The following VWA3B variants were observed in gnomAD, a reference collection of about 807,000 sequenced individuals.
VWA3B encodes the protein von Willebrand factor A domain containing 3B.
A neutral mutation model predicts 158.3 loss-of-function variants in VWA3B; 138 were observed. The observed-to-expected ratio is 0.87, with a 90% CI of 0.76 to 1.00. VWA3B has a LOEUF of 1.00. Ranked by LOEUF, VWA3B falls within the 50% of genes least tolerant of loss-of-function variation. The pLI is 0.00. For missense variants in VWA3B, 1,555 were observed against 1,565.1 expected, an observed-to-expected ratio of 0.99 and a Z score of 0.11; for synonymous variants, 596 against 587.3, an observed-to-expected ratio of 1.01 and a Z score of -0.21.
chr2:98,107,648 CTAATT>C (rs1673777931), intron 2 of VWA3B, among the ~76,000 whole-genome samples: 1 of 152,050 alleles, frequency 6.6e-6, no homozygotes, highest in Non-Finnish European at 1.5e-5. Flanking sequence ...TCCAAGTTGT[CTAATT>C]TGTGAGGAGT....
intron 7 of VWA3B, 86 bp downstream of exon 7, chr2:98,134,025 A>G: frequency 9.3e-7 from 1 of 1,079,982 alleles, no homozygotes; most frequent in South Asian, 1.3e-5. Context: ...AGTACGAGGG[A>G]GAGACTCCCC....
intron 21 of VWA3B, among the ~76,000 whole-genome samples, chr2:98,267,837 A>G (rs1232556965): frequency 6.6e-6 from 1 of 152,182 alleles, no homozygotes; most frequent in Non-Finnish European, 1.5e-5. Context: ...AATAGATGCA[A>G]TAAAAAATGG....
chr2:98,255,044 C>T (rs28446953), intron 20 of VWA3B, among the ~76,000 whole-genome samples: 6,304 of 151,652 alleles, frequency 0.042, 417 homozygotes, highest in African/African-American at 0.14. Flanking sequence ...GATGGAGTCT[C>T]GCTCTGTCAC....
downstream of VWA3B, among the ~76,000 whole-genome samples, chr2:98,316,678 A>G (rs984754194): frequency 2.6e-5 from 4 of 151,664 alleles, no homozygotes; most frequent in South Asian, 2.1e-4. Context: ...GTAATCCCCA[A>G]TGTTTGAGGA....
intron 3 of VWA3B, among the ~76,000 whole-genome samples, chr2:98,118,413 A>G (rs1341849101): frequency 2.6e-5 from 4 of 152,160 alleles, no homozygotes. Flanking sequence ...CTGAAAGCAC[A>G]TTTTCCAAGA....
In VWA3B at chr2:98,234,723, GC is replaced by G. The variant is rs927003055; in HGVS notation, c.2386del (p.Leu796SerfsTer11). 7 of 1,614,014 alleles carry G rather than the reference GC, an allele frequency of 4.3e-6. No homozygotes were observed. In the African/African-American group the frequency reaches 9.3e-5, roughly 22 times the overall value. ...RSSACSERKDGLSNASSRRTA... is the reference protein window; with the variant it reads ...RSSACSERKDXLSNASSRRTA... ...TCAGCTTGCAGTGAAAGGAAGGATG[GC>G]CTCTCCAATGCCAGCAGCCGGAGGA... On this transcript the variant is annotated frameshift_variant, in exon 17 of 28. Transcript: ENST00000477737. LOFTEE classifies it high-confidence loss of function.
At chr2:98,103,864 G>A (rs1423027411) in intron 2 of VWA3B, among the ~76,000 whole-genome samples, 1 of 152,114 alleles carries the variant, frequency 6.6e-6, no homozygotes, top group East Asian at 1.9e-4. Flanking sequence ...CCTTAGTTCT[G>A]TAAGTTTTGT....
At chr2:98,155,622 AAATTT>A (rs1168307224) in intron 7 of VWA3B, among the ~76,000 whole-genome samples, 1 of 152,222 alleles carries the variant, frequency 6.6e-6, no homozygotes, top group Non-Finnish European at 1.5e-5. Context: ...GATACCTGGT[AAATTT>A]TCATTTCCCC....
chr2:98,191,529 A>G (rs182190963), intron 10 of VWA3B, among the ~76,000 whole-genome samples: 107 of 152,334 alleles, frequency 7.0e-4, no homozygotes, highest in African/African-American at 2.4e-3. Context: ...TTATGTTAGA[A>G]TAGATCTAGG....
chr2:98,201,840 A>C (rs1682568239), intron 12 of VWA3B, among the ~76,000 whole-genome samples: 1 of 152,176 alleles, frequency 6.6e-6, no homozygotes, highest in Non-Finnish European at 1.5e-5. Context: ...TTGAATATTA[A>C]ATTGGCTTTG....
At chr2:98,166,404 T>C (rs1209104467) in intron 8 of VWA3B, among the ~76,000 whole-genome samples, 1 of 152,088 alleles carries the variant, frequency 6.6e-6, no homozygotes, top group Admixed American at 6.6e-5. Context: ...AGGAGGGCCC[T>C]AATCTGATAG....
At chr2:98,317,087 C>T (rs138490461), downstream of VWA3B, among the ~76,000 whole-genome samples, 457 of 152,116 alleles carry the variant, frequency 3.0e-3, 1 homozygote, top group Middle Eastern at 0.024. Flanking sequence ...TGGACTGTAC[C>T]TAGAATAAAC....
intron 20 of VWA3B, among the ~76,000 whole-genome samples, chr2:98,255,742 AT>A (rs1254086644): frequency 6.6e-6 from 1 of 152,134 alleles, no homozygotes; most frequent in East Asian, 1.9e-4. Context: ...TGATCTGAGA[AT>A]CCAGGCAGAA....
chr2:98,288,718 C>T (rs1031912812), intron 22 of VWA3B, among the ~76,000 whole-genome samples: 5 of 152,174 alleles, frequency 3.3e-5, no homozygotes, highest in African/African-American at 1.2e-4. Context: ...CCCTCTTTGT[C>T]TCCCAATCCT....
intron 25 of VWA3B, among the ~76,000 whole-genome samples, chr2:98,301,905 T>C (rs1690219444): frequency 6.6e-6 from 1 of 152,238 alleles, no homozygotes; most frequent in Non-Finnish European, 1.5e-5. Flanking sequence ...TCTATGTTTA[T>C]TTAAGAAATC....
downstream of VWA3B, among the ~76,000 whole-genome samples, chr2:98,317,615 C>A (rs1558791032): frequency 1.3e-5 from 2 of 152,188 alleles, no homozygotes; most frequent in East Asian, 1.9e-4. Flanking sequence ...GTCTTTCAAC[C>A]AATTGCCAAT....
Position 98,311,837 on chromosome 2 carries a change from G to A in VWA3B, c.3540G>A (p.Arg1180=), listed in dbSNP as rs765531194. 2.2e-5 allele frequency: 36 copies of A among 1,609,002 alleles called. No homozygotes were observed. Among genetic ancestry groups the A allele is most frequent in the Non-Finnish European group, 2.9e-5 (34 of 1,177,936 alleles). ...EDPEVEDVEA[R]NSAFLFWPLK... ...TCTCTAGAGAGGATGTGGAGGCGAGGAACTCTGCTTTCCTCTTCTGGCCAC... is the reference window on the plus strand; with the variant it reads ...TCTCTAGAGAGGATGTGGAGGCGAGAAACTCTGCTTTCCTCTTCTGGCCAC... Residue 1180 remains arginine (R), a synonymous_variant, in exon 27 of 28, where the codon AGG becomes AGA. Transcript: ENST00000477737.
chr2:98,136,005 T>C (rs1324651176), intron 7 of VWA3B, among the ~76,000 whole-genome samples: 1 of 152,170 alleles, frequency 6.6e-6, no homozygotes, highest in East Asian at 1.9e-4. Context: ...TCTTACATTA[T>C]TTCCCCCTCC....
At chr2:98,223,222 G>A (rs1185166550) in intron 14 of VWA3B, among the ~76,000 whole-genome samples, 2 of 150,784 alleles carry the variant, frequency 1.3e-5, no homozygotes, top group African/African-American at 4.9e-5. Flanking sequence ...GTTCAATAGT[G>A]AAGTGGAGAT....
Sources: allele counts gnomAD v4.1 joint callset (sites outside exome capture counted in the v4.1 genomes callset), GRCh38; gene constraint gnomAD v4.1.1; transcripts MANE v1.5; gene names NCBI Gene and HGNC (gene_info 2026-07-23, HGNC 2026-07-21).